Variants in MSRA observed in about 807,000 individuals in gnomAD.
MSRA encodes the protein methionine sulfoxide reductase A, also known as mitochondrial peptide methionine sulfoxide reductase.
Under a neutral mutation model 31.3 loss-of-function variants are expected in MSRA, and 54 were observed. That is an observed-to-expected ratio of 1.73 (90% CI 1.39 to 2.17). MSRA has a LOEUF of 2.17. Among genes scored for constraint, MSRA ranks in the 30% most tolerant of loss-of-function variants. MSRA has a pLI of 0.00. For missense variants in MSRA, 507 were observed against 300.9 expected, an observed-to-expected ratio of 1.69 and a Z score of -5.07; for synonymous variants, 169 against 116.5, an observed-to-expected ratio of 1.45 and a Z score of -2.90.
At chr8:10,390,150 G>A (rs556793911) in intron 5 of MSRA, among the ~76,000 whole-genome samples, 3 of 152,340 alleles carry the variant, frequency 2.0e-5, no homozygotes, top group East Asian at 3.9e-4. Flanking sequence ...GATCCAGGCT[G>A]TGCCAGTCTC....
At chr8:10,254,537 G>A (rs2129088526) in intron 3 of MSRA, among the ~76,000 whole-genome samples, 1 of 152,278 alleles carries the variant, frequency 6.6e-6, no homozygotes, top group East Asian at 1.9e-4. Flanking sequence ...TGACCACTTT[G>A]TAATCCACAA....
intron 3 of MSRA, among the ~76,000 whole-genome samples, chr8:10,285,645 C>T (rs1019188008): frequency 6.6e-6 from 1 of 152,000 alleles, no homozygotes; most frequent in African/African-American, 2.4e-5. Flanking sequence ...CCTATATCCC[C>T]TTCCCCCCAC....
At chr8:10,270,818 G>A (rs139125446) in intron 3 of MSRA, among the ~76,000 whole-genome samples, 12 of 152,210 alleles carry the variant, frequency 7.9e-5, no homozygotes, top group African/African-American at 2.9e-4. Flanking sequence ...CAAAAGAAGA[G>A]AGTTATGAAG....
At chr8:10,235,472 C>T (rs928271492) in intron 2 of MSRA, among the ~76,000 whole-genome samples, 1 of 151,862 alleles carries the variant, frequency 6.6e-6, no homozygotes, top group Non-Finnish European at 1.5e-5. Context: ...TAATTCATAT[C>T]AAGAAGGTAG....
chr8:10,168,487 G>C (rs1805332627), intron 1 of MSRA, among the ~76,000 whole-genome samples: 1 of 152,198 alleles, frequency 6.6e-6, no homozygotes, highest in African/African-American at 2.4e-5. Context: ...TAAAATTTTA[G>C]TGTATAAATG....
intron 1 of MSRA, among the ~76,000 whole-genome samples, chr8:10,082,895 C>G (rs991161525): frequency 2.0e-5 from 3 of 152,254 alleles, no homozygotes; most frequent in Non-Finnish European, 2.9e-5. Context: ...TACCGAACGA[C>G]TAGATGTGCT....
chr8:10,060,198 C>G (rs1802631189), intron 1 of MSRA, among the ~76,000 whole-genome samples: 1 of 152,166 alleles, frequency 6.6e-6, no homozygotes, highest in Non-Finnish European at 1.5e-5. Context: ...TAGCACAAGA[C>G]TGGAAACAAC....
intron 1 of MSRA, among the ~76,000 whole-genome samples, chr8:10,192,545 GTTCCTCCTCTCCATGGGAAGAAAACTCA>G (rs1807599622): frequency 6.6e-6 from 1 of 152,232 alleles, no homozygotes; most frequent in African/African-American, 2.4e-5. Flanking sequence ...CAACAAGGGA[GTTCCTCCTCTCCATGGGAAGAAAACTCA>G]TTCCTCAGTG....
intron 4 of MSRA, among the ~76,000 whole-genome samples, chr8:10,303,471 CTG>C (rs1315380641): frequency 6.6e-6 from 1 of 152,064 alleles, no homozygotes; most frequent in Non-Finnish European, 1.5e-5. Context: ...GGTGGCATCT[CTG>C]GGGTTAAAAA....
intron 5 of MSRA, among the ~76,000 whole-genome samples, chr8:10,328,586 G>A (rs944006506): frequency 6.6e-5 from 10 of 151,960 alleles, no homozygotes; most frequent in Admixed American, 1.3e-4. Context: ...CATCTTCCAC[G>A]GCATCTCTAC....
intron 2 of MSRA, among the ~76,000 whole-genome samples, chr8:10,232,997 G>GTA (rs1490973626): frequency 6.6e-6 from 1 of 152,196 alleles, no homozygotes; most frequent in Non-Finnish European, 1.5e-5. Flanking sequence ...TCCTTCAGAA[G>GTA]TTCCTAGGGG....
intron 1 of MSRA, among the ~76,000 whole-genome samples, chr8:10,119,735 C>T (rs148941664): frequency 1.3e-5 from 2 of 152,182 alleles, no homozygotes; most frequent in South Asian, 2.1e-4. Context: ...GTGGGGGAGA[C>T]GTCTTATAAT....
At chr8:10,065,050 C>T (rs550094432) in intron 1 of MSRA, among the ~76,000 whole-genome samples, 1 of 152,194 alleles carries the variant, frequency 6.6e-6, no homozygotes, top group Non-Finnish European at 1.5e-5. Flanking sequence ...AACTCCATTG[C>T]CTTACCTCTT....
chr8:10,222,389 G>A (rs1563235947), intron 2 of MSRA, among the ~76,000 whole-genome samples: 1 of 152,114 alleles, frequency 6.6e-6, no homozygotes, highest in African/African-American at 2.4e-5. Context: ...TGTTGGTGAG[G>A]ACTCTCACTG....
At chr8:10,171,755 T>A (rs1039609843) in intron 1 of MSRA, among the ~76,000 whole-genome samples, 1 of 152,222 alleles carries the variant, frequency 6.6e-6, no homozygotes, top group African/African-American at 2.4e-5. Flanking sequence ...TTGCAGTTTG[T>A]TTAGGTGGTA....
intron 1 of MSRA, among the ~76,000 whole-genome samples, chr8:10,197,713 G>T (rs535739016): frequency 6.6e-6 from 1 of 152,266 alleles, no homozygotes; most frequent in South Asian, 2.1e-4. Context: ...GCCCACCTGG[G>T]AGTTGATAAG....
intron 5 of MSRA, among the ~76,000 whole-genome samples, chr8:10,400,889 G>C (rs1283930992): frequency 6.6e-6 from 1 of 152,128 alleles, no homozygotes; most frequent in African/African-American, 2.4e-5. Flanking sequence ...ATGGATCAAA[G>C]ACCTAAATAT....
At chr8:10,288,908 G>GTAGC (rs1800080201) in intron 3 of MSRA, among the ~76,000 whole-genome samples, 2 of 151,900 alleles carry the variant, frequency 1.3e-5, no homozygotes, top group Non-Finnish European at 2.9e-5. Flanking sequence ...ATGACGTGAA[G>GTAGC]TAGCTCTCTG....
chr8:10,211,640 C>T (rs1027426115), intron 2 of MSRA, among the ~76,000 whole-genome samples: 1 of 152,126 alleles, frequency 6.6e-6, no homozygotes, highest in African/African-American at 2.4e-5. Context: ...TAGTGGGCAT[C>T]ATTGTGCTCC....
Sources: gnomAD v4.1 joint callset for allele counts (sites outside exome capture counted in the v4.1 genomes callset) on GRCh38, gnomAD v4.1.1 for gene constraint, MANE v1.5 for transcripts, NCBI Gene and HGNC (gene_info 2026-07-23, HGNC 2026-07-21) for gene names.